Variants in GDPD5 observed in about 807,000 individuals in gnomAD.
GDPD5 encodes glycerophosphodiester phosphodiesterase 2.
In GDPD5, 48 loss-of-function variants were observed where a neutral mutation model predicts 75.1. The ratio of observed to expected loss-of-function variants is 0.64; its 90% CI spans 0.51 to 0.81. GDPD5 has a LOEUF of 0.81. GDPD5 is among the 40% of genes least tolerant of loss of function. The pLI is 0.00. For synonymous variants in GDPD5, 336 were observed against 339.0 expected, an observed-to-expected ratio of 0.99 and a Z score of 0.10; for missense variants, 706 against 822.6, an observed-to-expected ratio of 0.86 and a Z score of 1.73.
intron 1 of GDPD5, chr11:75,515,879 T>C (rs1477036774): frequency 6.6e-6 from 1 of 152,152 alleles, no homozygotes; most frequent in Non-Finnish European, 1.5e-5. Context: ...CTCGCCGAGG[T>C]GTCTGTGGCA....
At chr11:75,504,250 C>T (rs1174549090) in intron 1 of GDPD5, among the ~76,000 whole-genome samples, 1 of 152,342 alleles carries the variant, frequency 6.6e-6, no homozygotes, top group South Asian at 2.1e-4. Flanking sequence ...GTACGCCAAG[C>T]ATTTCAACAT....
intron 1 of GDPD5, among the ~76,000 whole-genome samples, chr11:75,506,244 T>C (rs1470443137): frequency 6.6e-6 from 1 of 152,188 alleles, no homozygotes; most frequent in Non-Finnish European, 1.5e-5. Context: ...TTTGTTTGTT[T>C]GGGCTCTTCC....
At chr11:75,450,031 G>T in intron 6 of GDPD5, 48 bp from the exon 7 acceptor site, 1 of 1,511,912 alleles carries the variant, frequency 6.6e-7, no homozygotes, top group Non-Finnish European at 9.2e-7. Flanking sequence ...GGGTGGGAGG[G>T]TTCCCAGTGT....
intron 1 of GDPD5, among the ~76,000 whole-genome samples, chr11:75,517,632 G>C (rs995939713): frequency 6.6e-6 from 1 of 152,076 alleles, no homozygotes; most frequent in African/African-American, 2.4e-5. Context: ...CTTGAGCCTG[G>C]TGCCATCCTC....
At chr11:75,454,277 C>T (rs747314760) in intron 6 of GDPD5, among the ~76,000 whole-genome samples, 11 of 152,260 alleles carry the variant, frequency 7.2e-5, no homozygotes, top group Admixed American at 1.3e-4. Context: ...CTAACTCACC[C>T]GAAGGGAAAT....
intron 9 of GDPD5, chr11:75,448,722 C>T: frequency 1.4e-5 from 17 of 1,200,500 alleles, no homozygotes; most frequent in Non-Finnish European, 1.8e-5. Flanking sequence ...TGGGTCTAGC[C>T]TGGGCCTAAA....
At chr11:75,489,453 C>T (rs373885441) in intron 2 of GDPD5, among the ~76,000 whole-genome samples, 2 of 152,348 alleles carry the variant, frequency 1.3e-5, no homozygotes, top group African/African-American at 2.4e-5. Context: ...CAATGAAAAC[C>T]GAGCTTGCTC....
rs1592043637 is a variant in GDPD5 at position 75,434,847 on chromosome 11, C to T, written c.*660G>A. 6.6e-6 allele frequency: 1 copy of T among 152,472 alleles called. No homozygotes were observed. Among genetic ancestry groups the T allele is most frequent in the East Asian group, 1.9e-4 (1 of 5,194 alleles). The allele number at this position is 152,472 out of a possible 1,614,324, so 9.4% of individuals were successfully genotyped here. A position where few individuals can be genotyped will look rare whatever the true frequency, so the allele number is the denominator to read the frequency against. On this transcript the variant is annotated 3_prime_UTR_variant, in exon 17 of 17. Coordinates refer to ENST00000336898, the MANE Select transcript of GDPD5 (RefSeq NM_030792.8). ...TTCTGCCTTGAGGTCTGCTGGACAC[C>T]TGGGCATGGGATCCAGTAGTCCTGA...
chr11:75,522,316 C>T (rs538319546), intron 1 of GDPD5, among the ~76,000 whole-genome samples: 4 of 152,298 alleles, frequency 2.6e-5, no homozygotes, highest in Admixed American at 1.3e-4. Flanking sequence ...CTCAGTGAGG[C>T]GGTGGCACAG....
rs373236648 is a variant in GDPD5 at position 75,441,706 on chromosome 11, C to T, written c.1265G>A (p.Arg422Gln). ...GTTCAGCCGCTGGATGTGGCCTCTC[C>T]GCAGGCTGGCGACTGCCTCCTTGGA... ...SGSKEAVASL[R>Q]RGHIQRLNLR... Residue 422 changes from arginine (R) to glutamine (Q), a missense_variant, in exon 13 of 17, where the codon CGG becomes CAG. By Grantham distance (43) the Arg-to-Gln change is conservative. Coordinates refer to ENST00000336898, the MANE Select transcript of GDPD5 (RefSeq NM_030792.8). 13 of 1,610,354 alleles carry T rather than the reference C, an allele frequency of 8.1e-6. No individual in the cohort carries two copies. The highest frequency in any genetic ancestry group is 5.3e-5 in the African/African-American group (4 of 74,986).
At chr11:75,496,240 T>C (rs1950206344) in intron 1 of GDPD5, among the ~76,000 whole-genome samples, 1 of 152,228 alleles carries the variant, frequency 6.6e-6, no homozygotes, top group African/African-American at 2.4e-5. Context: ...GCAGTGGTCA[T>C]GGTGACCTGT....
chr11:75,495,177 G>A (rs920455919), intron 1 of GDPD5, among the ~76,000 whole-genome samples: 1 of 152,012 alleles, frequency 6.6e-6, no homozygotes, highest in Non-Finnish European at 1.5e-5. Flanking sequence ...TGAGCCAGGA[G>A]AGTCGCTTGA....
intron 3 of GDPD5, among the ~76,000 whole-genome samples, chr11:75,465,761 C>T (rs1283075730): frequency 6.6e-6 from 1 of 152,148 alleles, no homozygotes; most frequent in Non-Finnish European, 1.5e-5. Context: ...GGCCTGTGTG[C>T]CTCTGACCAG....
intron 1 of GDPD5, among the ~76,000 whole-genome samples, chr11:75,499,259 C>T (rs1016862697): frequency 6.6e-6 from 1 of 152,166 alleles, no homozygotes; most frequent in African/African-American, 2.4e-5. Context: ...AAGCCAAGCA[C>T]TGACCCCTCC....
chr11:75,511,430 T>A (rs926154020), intron 1 of GDPD5, among the ~76,000 whole-genome samples: 1 of 152,176 alleles, frequency 6.6e-6, no homozygotes, highest in Non-Finnish European at 1.5e-5. Flanking sequence ...CTGCCACCCA[T>A]TGGGGTCCCT....
At chr11:75,493,229 T>TCACACACACA (rs71036055) in intron 1 of GDPD5, among the ~76,000 whole-genome samples, 3,066 of 140,940 alleles carry the variant, frequency 0.022, 35 homozygotes, top group East Asian at 0.032. Flanking sequence ...CCCACACATC[T>TCACACACACA]CACACACACA....
intron 3 of GDPD5, among the ~76,000 whole-genome samples, chr11:75,466,967 A>C (rs1284315999): frequency 6.6e-6 from 1 of 152,082 alleles, no homozygotes; most frequent in Non-Finnish European, 1.5e-5. Context: ...TCTGGGACCC[A>C]GTATGGCGAT....
At chr11:75,462,968 C>T (rs1389389861) in intron 3 of GDPD5, 79 bp from the exon 4 acceptor site, 6 of 1,121,740 alleles carry the variant, frequency 5.3e-6, no homozygotes, top group South Asian at 2.7e-5. Flanking sequence ...ATGTGTCCTC[C>T]TCCCTCCCAC....
chr11:75,518,706 C>G (rs1243514040), intron 1 of GDPD5, among the ~76,000 whole-genome samples: 1 of 152,152 alleles, frequency 6.6e-6, no homozygotes, highest in African/African-American at 2.4e-5. Flanking sequence ...AGGGTGTCCT[C>G]AAGGCCCCAC....
Sources: gnomAD v4.1 joint callset for allele counts (sites outside exome capture counted in the v4.1 genomes callset) on GRCh38, gnomAD v4.1.1 for gene constraint, MANE v1.5 for transcripts, NCBI Gene and HGNC (gene_info 2026-07-23, HGNC 2026-07-21) for gene names.